The following SEM1 variants were observed in gnomAD, a reference collection of about 807,000 sequenced individuals.
SEM1 encodes 26S proteasome complex subunit SEM1.
Under a neutral mutation model 12.7 loss-of-function variants are expected in SEM1, and 3 were observed. The ratio of observed to expected loss-of-function variants is 0.24; its 90% confidence interval spans 0.11 to 0.61. The LOEUF (loss-of-function observed/expected upper bound fraction) is 0.61. Ranked by LOEUF, SEM1 falls within the 20% of genes least tolerant of loss-of-function variation. SEM1 has a pLI of 0.88. For missense variants in SEM1, 59 were observed against 81.3 expected (o/e 0.73, Z 1.06); for synonymous variants, 30 against 27.8 (o/e 1.08, Z -0.25).
intron 2 of SEM1, among the ~76,000 whole-genome samples, chr7:96,575,238 G>A (rs1806167854): frequency 1.3e-5 from 2 of 152,198 alleles, no homozygotes; most frequent in African/African-American, 4.8e-5. Flanking sequence ...CTGTAGGTCT[G>A]CTGAAGTTTG....
At chr7:96,494,475 T>C (rs2117235747) in intron 1 of SEM1, among the ~76,000 whole-genome samples, 1 of 152,208 alleles carries the variant, frequency 6.6e-6, no homozygotes, top group South Asian at 2.1e-4. Flanking sequence ...GGAGGAACAG[T>C]TTCACACCTT....
At chr7:96,600,147 A>G (rs570986515) in intron 2 of SEM1, among the ~76,000 whole-genome samples, 2 of 152,318 alleles carry the variant, frequency 1.3e-5, no homozygotes, top group South Asian at 2.1e-4. Context: ...TAATCAGTCT[A>G]TATATTTGGT....
intron 2 of SEM1, among the ~76,000 whole-genome samples, chr7:96,609,920 G>C (rs76984113): frequency 0.041 from 6,239 of 152,216 alleles, 349 homozygotes; most frequent in South Asian, 0.14. Context: ...GGTTCAGATG[G>C]AAGAATCTGT....
Position 96,658,725 on chromosome 7 carries a change from T to C in SEM1, c.170+36073A>G, listed in dbSNP as rs771576570. Reference sequence around the variant, plus strand: ...TGAAGACTTCTGCAATCTTTGGGGCTACTCCCTGTGCCTCTGATCTTAACA... The same window carrying C: ...TGAAGACTTCTGCAATCTTTGGGGCCACTCCCTGTGCCTCTGATCTTAACA... On this transcript the variant is annotated intron_variant, in intron 2 of 2. Coordinates refer to the SEM1 transcript ENST00000417009. 4.4e-4 allele frequency among the ~76,000 whole-genome samples: 67 copies of C among 152,196 alleles called. 1 individual carries two copies. The highest frequency in any genetic ancestry group is 1.2e-3 in the South Asian group (6 of 4,828).
chr7:96,537,249 T>C (rs1804813812), intron 2 of SEM1, among the ~76,000 whole-genome samples: 1 of 151,766 alleles, frequency 6.6e-6, no homozygotes. Context: ...CTCTTATCTA[T>C]ATGTTATAAT....
At chr7:96,496,994 C>T (rs142692313), upstream of SEM1, among the ~76,000 whole-genome samples, 1,430 of 144,048 alleles carry the variant, frequency 9.9e-3, 8 homozygotes, top group Non-Finnish European at 0.016. Context: ...CACACACATG[C>T]GCACGAGCAC....
chr7:96,632,769 T>C (rs1808307818), intron 2 of SEM1, among the ~76,000 whole-genome samples: 1 of 132,194 alleles, frequency 7.6e-6, no homozygotes, highest in Non-Finnish European at 1.6e-5. Flanking sequence ...AGGTGGTTTT[T>C]TTTTGTTGTT....
At chr7:96,679,659 G>T (rs1041332672) in intron 2 of SEM1, among the ~76,000 whole-genome samples, 2 of 152,008 alleles carry the variant, frequency 1.3e-5, no homozygotes, top group East Asian at 3.9e-4. Context: ...AGGACATAAG[G>T]TTTAAATTGT....
chr7:96,487,003 C>T (rs1017992093), intron 1 of SEM1, among the ~76,000 whole-genome samples: 2 of 152,102 alleles, frequency 1.3e-5, no homozygotes, highest in Non-Finnish European at 2.9e-5. Context: ...AGCTAGGATG[C>T]CAGCACAGCT....
chr7:96,540,636 A>G (rs1804917937), intron 2 of SEM1, among the ~76,000 whole-genome samples: 1 of 151,818 alleles, frequency 6.6e-6, no homozygotes, highest in South Asian at 2.1e-4. Context: ...CTTCTATTTC[A>G]GATTCAGGGG....
At chr7:96,531,288 G>C (rs1301256433) in intron 2 of SEM1, among the ~76,000 whole-genome samples, 1 of 151,952 alleles carries the variant, frequency 6.6e-6, no homozygotes, top group African/African-American at 2.4e-5. Flanking sequence ...TGCACAACAG[G>C]CCAGGTACAG....
intron 2 of SEM1, among the ~76,000 whole-genome samples, chr7:96,485,832 G>A (rs981023182): frequency 4.6e-5 from 7 of 152,086 alleles, no homozygotes; most frequent in African/African-American, 1.2e-4. Flanking sequence ...GAGCCACTAC[G>A]CCTGGCCTCC....
At chr7:96,638,766 CA>C (rs1312048949) in intron 2 of SEM1, among the ~76,000 whole-genome samples, 1 of 151,876 alleles carries the variant, frequency 6.6e-6, no homozygotes, top group African/African-American at 2.4e-5. Flanking sequence ...TGTTATCACA[CA>C]TCTTTTTCAT....
At chr7:96,597,449 ATC>A (rs1189972672) in intron 2 of SEM1, among the ~76,000 whole-genome samples, 2 of 151,972 alleles carry the variant, frequency 1.3e-5, no homozygotes, top group African/African-American at 4.8e-5. Context: ...AAGTTTCCTG[ATC>A]TCTCCTTTTA....
intron 2 of SEM1, chr7:96,673,946 C>T: frequency 1.4e-6 from 1 of 707,216 alleles, no homozygotes; most frequent in South Asian, 1.5e-5. Flanking sequence ...AAGCCTGGCC[C>T]ATCCTGAAAA....
At chr7:96,584,064 G>T (rs1351076750) in intron 2 of SEM1, among the ~76,000 whole-genome samples, 1 of 152,046 alleles carries the variant, frequency 6.6e-6, no homozygotes, top group Non-Finnish European at 1.5e-5. Context: ...TCCTAGTCTC[G>T]ATGGCCTTTA....
chr7:96,586,969 C>T (rs1806656762), intron 2 of SEM1, among the ~76,000 whole-genome samples: 1 of 152,092 alleles, frequency 6.6e-6, no homozygotes, highest in Non-Finnish European at 1.5e-5. Flanking sequence ...TCTTCAGGTA[C>T]CACTGAGGTG....
chr7:96,545,219 G>T (rs1805070862), intron 2 of SEM1, among the ~76,000 whole-genome samples: 1 of 151,976 alleles, frequency 6.6e-6, no homozygotes, highest in Non-Finnish European at 1.5e-5. Flanking sequence ...GGGTTGTGGA[G>T]TTGTATGGGT....
intron 2 of SEM1, among the ~76,000 whole-genome samples, chr7:96,548,636 A>T (rs1462001886): frequency 6.6e-6 from 1 of 152,176 alleles, no homozygotes; most frequent in Non-Finnish European, 1.5e-5. Flanking sequence ...AATTTAGAGA[A>T]CTTGTGATCA....
Sources: gnomAD v4.1 joint callset for allele counts (sites outside exome capture counted in the v4.1 genomes callset) on GRCh38, gnomAD v4.1.1 for gene constraint, MANE v1.5 for transcripts, NCBI Gene and HGNC (gene_info 2026-07-23, HGNC 2026-07-21) for gene names.